RNF123: variants seen among roughly 807,000 people sequenced by gnomAD.
The protein encoded by RNF123 is ring finger protein 123.
RNF123 carries 86 observed loss-of-function variants against 168.5 expected under a neutral mutation model. The ratio of observed to expected loss-of-function variants is 0.51; its 90% CI spans 0.43 to 0.61. The LOEUF (loss-of-function observed/expected upper bound fraction) is 0.61, where lower values mean the gene tolerates loss of function less well. Among genes scored for constraint, RNF123 ranks in the 20% least tolerant of loss-of-function variants. The pLI is 0.00. For missense variants in RNF123, 1,419 were observed against 1,729.7 expected, an observed-to-expected ratio of 0.82 and a Z score of 3.19; for synonymous variants, 666 against 689.1, an observed-to-expected ratio of 0.97 and a Z score of 0.52.
intron 35 of RNF123, chr3:49,719,025 G>GT (rs767610385): frequency 2.6e-5 from 42 of 1,613,792 alleles, no homozygotes; most frequent in Admixed American, 1.3e-4. Flanking sequence ...GCTCGTCCAA[G>GT]TGCACCAAGC....
At chr3:49,713,155 G>A (rs1187685656) in intron 27 of RNF123, 1 of 593,094 alleles carries the variant, frequency 1.7e-6, no homozygotes, top group East Asian at 2.8e-5. Flanking sequence ...TGAGCTGTCA[G>A]GCCCCTAGCC....
rs373821315 is a variant in RNF123, at chr3:49,718,153, G to A, written c.3500+1676G>A. The A allele has an allele frequency of 7.3e-5, 117 of 1,613,092 alleles. 1 individual carries two copies. The highest frequency in any genetic ancestry group is 6.8e-4 in the South Asian group (62 of 91,096). On this transcript the variant is annotated intron_variant, in intron 35 of 38. Coordinates refer to ENST00000327697, the MANE Select transcript of RNF123 (RefSeq NM_022064.5). ...GCGGCTGGGTGCGTCTGGCGGTGTG[G>A]TGCTGAGTACTGAGGACTGTGCGCT...
rs758273359 is a variant in RNF123 at position 49,706,860 on chromosome 3, C to T, written c.2458C>T (p.Arg820Cys). The T allele has an allele frequency of 1.2e-6, 2 of 1,614,156 alleles. No individual in the cohort carries two copies. Among genetic ancestry groups the T allele is most frequent in the African/African-American group, 1.3e-5 (1 of 75,038 alleles). Reference protein sequence around the residue: ...VFSEKLDHLSRRLAWVHATVY... With the variant: ...VFSEKLDHLSCRLAWVHATVY... ...CTCAGAAAAGCTGGACCACCTGAGCCGCCGTCTTGCCTGGGTCCATGCCAC... is the reference window on the plus strand; with the variant it reads ...CTCAGAAAAGCTGGACCACCTGAGCTGCCGTCTTGCCTGGGTCCATGCCAC... The change falls in exon 26 of 39, where the codon CGC (arginine) becomes TGC (cysteine). Residue 820 changes from arginine (R) to cysteine (C), a missense_variant. Coordinates refer to ENST00000327697, the MANE Select transcript of RNF123 (RefSeq NM_022064.5).
At position 49,699,811 on chromosome 3, in the gene RNF123, A is replaced by T. The variant is rs761147399; in HGVS notation, c.984+39A>T. ...GGAGGGGCATGGGAGGGGAGGAGAC[A>T]GGCCATGCTAGACACGCCCGTGGTA... On this transcript the variant is annotated intron_variant, in intron 12 of 38. Transcript: ENST00000327697. This position sits in a 1 kb window ranked among gnomAD's most constrained non-coding sequence, Gnocchi z 4.8. 2 of 1,582,742 alleles carry T rather than the reference A, an allele frequency of 1.3e-6. No homozygotes were observed. Among genetic ancestry groups the T allele is most frequent in the South Asian group, 2.2e-5 (2 of 90,364 alleles).
chr3:49,699,400 G>T lies in RNF123; in HGVS notation c.765-68G>T, dbSNP rs2054330537. On this transcript the variant is annotated intron_variant, in intron 10 of 38. Coordinates refer to ENST00000327697, the MANE Select transcript of RNF123 (RefSeq NM_022064.5). The surrounding 1 kb of genome is among the most constrained non-coding windows in gnomAD (Gnocchi z 4.8). ...TAGAGCCCAGGCCCCGGGGTGGGGGGTGGGCAGTGGAGAGGGAGTAGGCAT... is the reference window on the plus strand; with the variant it reads ...TAGAGCCCAGGCCCCGGGGTGGGGGTTGGGCAGTGGAGAGGGAGTAGGCAT... The T allele has an allele frequency of 3.7e-6, 5 of 1,342,120 alleles. No homozygotes were observed. Among genetic ancestry groups the T allele is most frequent in the Non-Finnish European group, 5.2e-6 (5 of 960,742 alleles). The allele number at this position is 1,342,120 out of a possible 1,614,324, so 83.1% of individuals were successfully genotyped here.
rs1306652932 is a variant in RNF123 at position 49,699,853 on chromosome 3, G to T, written c.984+81G>T. Reference sequence around the variant, plus strand: ...CCCGTGGTAGATGTGCCCTCACTGAGGGCTGCAGTGCTGAGGTCCCACAGC... The same window carrying T: ...CCCGTGGTAGATGTGCCCTCACTGATGGCTGCAGTGCTGAGGTCCCACAGC... On this transcript the variant is annotated intron_variant, in intron 12 of 38. Coordinates refer to ENST00000327697, the MANE Select transcript of RNF123 (RefSeq NM_022064.5). This position sits in a 1 kb window ranked among gnomAD's most constrained non-coding sequence, Gnocchi z 4.8. 5.0e-6 allele frequency: 7 copies of T among 1,403,140 alleles called. No homozygotes were observed. The Admixed American group carries it at 8.8e-5, about 18-fold the overall frequency. 86.9% of individuals were successfully genotyped at this position (1,403,140 alleles called of 1,614,324 possible).
intron 24 of RNF123, 32 bp downstream of exon 24, chr3:49,705,711 C>T (rs915041509): frequency 1.5e-5 from 25 of 1,613,306 alleles, no homozygotes; most frequent in Middle Eastern, 1.6e-4. Flanking sequence ...CATTGGGTGG[C>T]GGGTGTTGTG....
At chr3:49,714,292 C>T (rs2080199234) in intron 31 of RNF123, 118 bp downstream of exon 31, 2 of 887,118 alleles carry the variant, frequency 2.3e-6, no homozygotes. Context: ...CCCATTGGGT[C>T]CCAGACTCCC....
Position 49,702,363 on chromosome 3 carries a change from C to T in RNF123, c.1587C>T (p.Thr529=), listed in dbSNP as rs192270390. The change falls in exon 19 of 39, where the codon ACC becomes ACT. Residue 529 remains threonine (T), a synonymous_variant. Transcript: ENST00000327697. ...AAGCTTCTAGGTATATCTTCCTGAC[C>T]AAGTTTCGCAAGTTTCTGCAGGAGA... ...GGEASRYIFL[T]KFRKFLQENA... The T allele has an allele frequency of 5.0e-6, 8 of 1,614,168 alleles. No individual in the cohort carries two copies. In the Admixed American group the frequency reaches 1.3e-4, roughly 27 times the overall value.
chr3:49,689,889 C>T (rs533111295), intron 1 of RNF123: 1 of 152,344 alleles, frequency 6.6e-6, no homozygotes, highest in Admixed American at 6.5e-5. Context: ...AGGGAGTCCC[C>T]GGGCGGGGAC....
chr3:49,703,657 A>G, intron 21 of RNF123, 129 bp downstream of exon 21: 1 of 669,870 alleles, frequency 1.5e-6, no homozygotes, highest in Non-Finnish European at 2.6e-6. Flanking sequence ...CCACCCACTC[A>G]GGCAGGGAGA....
Position 49,716,464 on chromosome 3 carries a change from G to C in RNF123, c.3487G>C (p.Gly1163Arg). ...CATCCTGGTGCAGCTCCTGGTGCGT[G>C]GCCCAGCCTCAGAGTGAGTGTTGGG... ...TGILVQLLVR[G>R]PASEREQATS... Residue 1163 changes from glycine (G) to arginine (R), a missense_variant, in exon 35 of 39, where the codon GGC becomes CGC. Gly to Arg is a moderately radical substitution (Grantham distance 125, BLOSUM62 -2). Transcript: ENST00000327697. The C allele has an allele frequency of 6.2e-7, 1 of 1,614,042 alleles. No homozygotes were observed. The highest frequency in any genetic ancestry group is 8.5e-7 in the Non-Finnish European group (1 of 1,179,972).
Position 49,704,705 on chromosome 3 carries a change from C to T in RNF123, c.1908C>T (p.Thr636=), listed in dbSNP as rs368028287. Residue 636 remains threonine (T), a synonymous_variant, in exon 22 of 39, where the codon ACC becomes ACT. Transcript: ENST00000327697. ...IVIDPLELQS[T]AMDDLDEDEE... is the part of the protein sequence containing the mutation. ...TCGACCCACTGGAGCTCCAGTCAAC[C>T]GCCATGGATGACCTAGATGAGGATG... 4.1e-5 allele frequency: 65 copies of T among 1,604,344 alleles called. No individual in the cohort carries two copies. The highest frequency in any genetic ancestry group is 8.6e-5 in the Admixed American group (5 of 58,182).
chr3:49,719,275 G>A (rs779731375), intron 35 of RNF123: 2 of 1,613,436 alleles, frequency 1.2e-6, no homozygotes, highest in South Asian at 2.2e-5. Context: ...GTCGAGGTCC[G>A]CAGTAGCGGC....
chr3:49,692,119 C>T (rs961831143), intron 3 of RNF123, among the ~76,000 whole-genome samples: 1 of 152,146 alleles, frequency 6.6e-6, no homozygotes, highest in Non-Finnish European at 1.5e-5. Context: ...GTGGTGTGCA[C>T]CTGTAGTCCC....
At chr3:49,702,467 C>T in intron 19 of RNF123, 62 bp downstream of exon 19, 5 of 1,594,562 alleles carry the variant, frequency 3.1e-6, no homozygotes, top group Non-Finnish European at 4.3e-6. Context: ...GCCATGCCCT[C>T]AGCACCTGGC....
Position 49,702,634 on chromosome 3 carries a change from A to ACATGCC in RNF123, c.1637_1642dup (p.Pro546_Met547dup). On this transcript the variant is annotated inframe_insertion and splice_region_variant, in exon 20 of 39. Transcript: ENST00000327697. Reference sequence around the variant, plus strand: ...ATGTTTCATGCCTGGTGTCCACAGAACATGCCCATGCTCTGCCCCCCTGAG... The same window carrying ACATGCC: ...ATGTTTCATGCCTGGTGTCCACAGAACATGCCCATGCCCATGCTCTGCCCCCCTGAG... 6.2e-7 allele frequency: 1 copy of ACATGCC among 1,614,230 alleles called. No individual in the cohort carries two copies. The highest frequency in any genetic ancestry group is 8.5e-7 in the Non-Finnish European group (1 of 1,180,024).
intron 31 of RNF123, among the ~76,000 whole-genome samples, chr3:49,714,842 C>T (rs907495997): frequency 6.6e-5 from 10 of 152,240 alleles, no homozygotes; most frequent in Admixed American, 3.3e-4. Flanking sequence ...TGTTTCTGCC[C>T]TTGTGGGCAG....
In RNF123 at chr3:49,699,516, C is replaced by G; in HGVS notation, c.813C>G (p.Asp271Glu). Residue 271 changes from aspartate to glutamate, a missense_variant, in exon 11 of 39, where the codon GAC becomes GAG. By Grantham distance (45) the Asp-to-Glu change is conservative (BLOSUM62 2). Coordinates refer to ENST00000327697, the MANE Select transcript of RNF123 (RefSeq NM_022064.5). The surrounding 1 kb of genome is among the most constrained non-coding windows in gnomAD (Gnocchi z 4.8). The part of the protein sequence containing the change: ...YRPLQDPPSA[D>E]LVRAQRLLGC... ...CCCTGCAGGACCCACCGAGTGCTGACCTGGTGCGGGCACAGAGGTTGCTGG... is the reference window on the plus strand; with the variant it reads ...CCCTGCAGGACCCACCGAGTGCTGAGCTGGTGCGGGCACAGAGGTTGCTGG... 4 of 1,612,342 alleles carry G rather than the reference C, an allele frequency of 2.5e-6. No individual in the cohort carries two copies. Among genetic ancestry groups the G allele is most frequent in the Non-Finnish European group, 3.4e-6 (4 of 1,179,474 alleles).
Sources: gnomAD v4.1 joint callset for allele counts (sites outside exome capture counted in the v4.1 genomes callset) on GRCh38, gnomAD v4.1.1 for gene constraint, Gnocchi (gnomAD v3.1) non-coding constraint, MANE v1.5 for transcripts, NCBI Gene and HGNC (gene_info 2026-07-23, HGNC 2026-07-21) for gene names.